The following ABCA13 variants were observed in gnomAD, a reference collection of about 807,000 sequenced individuals.
ABCA13 encodes ATP binding cassette subfamily A member 13, also known as ATP-binding cassette sub-family A member 13.
A neutral mutation model predicts 478.7 loss-of-function variants in ABCA13; 476 were observed. The observed-to-expected ratio is 0.99, with a 90% CI of 0.92 to 1.07. The LOEUF (loss-of-function observed/expected upper bound fraction) is 1.07. Among genes scored for constraint, ABCA13 ranks in the 50% least tolerant of loss-of-function variants. The probability of loss-of-function intolerance (pLI) is 0.00; values close to 1 mark genes in which losing one functional copy is unlikely to be tolerated. For missense variants in ABCA13, 6,060 were observed against 5,910.6 expected, an observed-to-expected ratio of 1.03 and a Z score of -0.83; for synonymous variants, 2,252 against 2,158.9, an observed-to-expected ratio of 1.04 and a Z score of -1.20.
At chr7:48,427,730 A>G (rs766041903) in intron 41 of ABCA13, 36 bp from the exon 42 acceptor site, 8 of 1,428,586 alleles carry the variant, frequency 5.6e-6, no homozygotes, top group African/African-American at 2.8e-5. Flanking sequence ...GTATAGAAAC[A>G]TAAAATAATA....
intron 38 of ABCA13, among the ~76,000 whole-genome samples, chr7:48,400,283 G>A (rs1357799986): frequency 6.6e-6 from 1 of 152,168 alleles, no homozygotes; most frequent in African/African-American, 2.4e-5. Flanking sequence ...TCTAGCCCTA[G>A]CAGGTGGCAG....
intron 23 of ABCA13, among the ~76,000 whole-genome samples, chr7:48,308,271 T>C (rs1257324442): frequency 6.6e-6 from 1 of 152,216 alleles, no homozygotes; most frequent in Non-Finnish European, 1.5e-5. Context: ...ATAACATGCG[T>C]AGAGCTGTCG....
At chr7:48,587,362 T>C in intron 57 of ABCA13, 74 bp downstream of exon 57, 1 of 1,442,780 alleles carries the variant, frequency 6.9e-7, no homozygotes, top group Non-Finnish European at 9.2e-7. Context: ...TTTTAAGGGT[T>C]TTTCTGGGAA....
At chr7:48,266,544 T>C (rs1794894988) in intron 15 of ABCA13, among the ~76,000 whole-genome samples, 1 of 151,864 alleles carries the variant, frequency 6.6e-6, no homozygotes, top group Non-Finnish European at 1.5e-5. Context: ...GAATCAGTGG[T>C]AATAGCACCT....
intron 1 of ABCA13, among the ~76,000 whole-genome samples, chr7:48,190,129 G>A (rs957222138): frequency 6.6e-6 from 1 of 152,064 alleles, no homozygotes; most frequent in African/African-American, 2.4e-5. Flanking sequence ...AATGATAATT[G>A]GTTTAGTTTT....
At chr7:48,341,812 G>GATATATATATATATCTTTCTGATAT (rs1563084287) in intron 29 of ABCA13, among the ~76,000 whole-genome samples, 1 of 48,384 alleles carries the variant, frequency 2.1e-5, no homozygotes, top group African/African-American at 8.0e-5. Flanking sequence ...TTTCTTTTCT[G>GATATATATATATATCTTTCTGATAT]ATATATATAT....
chr7:48,341,496 G>A (rs754108181), intron 29 of ABCA13, among the ~76,000 whole-genome samples: 1 of 151,974 alleles, frequency 6.6e-6, no homozygotes, highest in Non-Finnish European at 1.5e-5. Context: ...AAAAATTCCT[G>A]AGTGATTTTA....
chr7:48,231,965 A>T (rs1302115090), intron 7 of ABCA13, among the ~76,000 whole-genome samples: 1 of 151,922 alleles, frequency 6.6e-6, no homozygotes, highest in African/African-American at 2.4e-5. Context: ...CCCAACCCTG[A>T]ACTATTGTAC....
In ABCA13 at chr7:48,273,995, T is replaced by A. The variant is rs1458722806; in HGVS notation, c.4329T>A (p.Asn1443Lys). The A allele has an allele frequency of 6.2e-7, 1 of 1,608,842 alleles. No homozygotes were observed. Among genetic ancestry groups the A allele is most frequent in the African/African-American group, 1.3e-5 (1 of 74,852 alleles). The change falls in exon 17 of 62, where the codon AAT becomes AAA. Residue 1443 changes from asparagine to lysine, a missense_variant. By Grantham distance (94) the Asn-to-Lys change is moderately conservative. This residue lies in a region of ABCA13 where 4,423 missense variants were observed against 4,309.1 expected (regional missense o/e 1.03). Transcript: ENST00000435803. ...SILKIVTWVL[N>K]IKKPLCSSNG... ...TAAAAATTGTAACTTGGGTGTTAAATATAAAAAAACCTCTTTGTTCATCAA... is the reference window on the plus strand; with the variant it reads ...TAAAAATTGTAACTTGGGTGTTAAAAATAAAAAAACCTCTTTGTTCATCAA...
At chr7:48,415,976 C>G (rs1460209785) in intron 41 of ABCA13, among the ~76,000 whole-genome samples, 2 of 152,098 alleles carry the variant, frequency 1.3e-5, no homozygotes, top group Non-Finnish European at 2.9e-5. Context: ...TCCCTTCCTC[C>G]TTCCTGCCTA....
In ABCA13 at chr7:48,192,932, G is replaced by A. The variant is rs1309235843; in HGVS notation, c.70-27G>A. 3.5e-6 allele frequency: 4 copies of A among 1,146,652 alleles called. No individual in the cohort carries two copies. The African/African-American group carries it at 6.5e-5, about 19-fold the overall frequency. 71.0% of individuals were successfully genotyped at this position (1,146,652 alleles called of 1,614,324 possible). A position where few individuals can be genotyped will look rare whatever the true frequency, so the allele number is the denominator to read the frequency against. On this transcript the variant is annotated intron_variant, in intron 1 of 61. Transcript: ENST00000435803. Reference sequence around the variant, plus strand: ...GTAATACCTTACAATTTATTCAGGTGATTTTTTTTTTTTTTTAATTTTCTA... The same window carrying A: ...GTAATACCTTACAATTTATTCAGGTAATTTTTTTTTTTTTTTAATTTTCTA...
At chr7:48,253,157 T>A (rs55692458) in intron 15 of ABCA13, among the ~76,000 whole-genome samples, 1 of 152,080 alleles carries the variant, frequency 6.6e-6, no homozygotes, top group Non-Finnish European at 1.5e-5. Context: ...CCATAATTGA[T>A]TACTCCTAGC....
At chr7:48,602,167 G>A (rs1014669227) in intron 58 of ABCA13, among the ~76,000 whole-genome samples, 4 of 152,110 alleles carry the variant, frequency 2.6e-5, no homozygotes, top group African/African-American at 9.7e-5. Flanking sequence ...CTCCCATTCT[G>A]TAGGTTGCCT....
chr7:48,539,468 A>T (rs1414099936), intron 55 of ABCA13, among the ~76,000 whole-genome samples: 1 of 152,128 alleles, frequency 6.6e-6, no homozygotes, highest in Non-Finnish European at 1.5e-5. Flanking sequence ...TTATTTGGCT[A>T]CTCAGAGGTA....
intron 42 of ABCA13, among the ~76,000 whole-genome samples, chr7:48,444,803 A>C (rs550491530): frequency 6.6e-6 from 1 of 152,060 alleles, no homozygotes; most frequent in Non-Finnish European, 1.5e-5. Context: ...TTTAAGTCCA[A>C]CTCATGATTT....
At chr7:48,173,645 C>T (rs1473074350) in intron 1 of ABCA13, among the ~76,000 whole-genome samples, 2 of 152,180 alleles carry the variant, frequency 1.3e-5, no homozygotes, top group African/African-American at 4.8e-5. Context: ...TATAGCAATG[C>T]CTAGAATAGC....
intron 24 of ABCA13, among the ~76,000 whole-genome samples, chr7:48,311,355 TC>T (rs1241097645): frequency 6.6e-6 from 1 of 152,120 alleles, no homozygotes; most frequent in Non-Finnish European, 1.5e-5. Context: ...ATTTCTTGCA[TC>T]CCCATAATTT....
chr7:48,489,827 T>TGGCACA (rs1456359063), intron 48 of ABCA13, among the ~76,000 whole-genome samples: 1 of 152,224 alleles, frequency 6.6e-6, no homozygotes, highest in African/African-American at 2.4e-5. Flanking sequence ...TTTTGGTAAA[T>TGGCACA]GGCACAGGTC....
chr7:48,569,149 T>C (rs1787365852), intron 55 of ABCA13, among the ~76,000 whole-genome samples: 1 of 152,054 alleles, frequency 6.6e-6, no homozygotes, highest in East Asian at 1.9e-4. Context: ...TTTTATTCTG[T>C]TTTCTTTAGG....
Sources: allele counts gnomAD v4.1 joint callset (sites outside exome capture counted in the v4.1 genomes callset), GRCh38; gene constraint gnomAD v4.1.1; regional missense constraint gnomAD v4.1.1; transcripts MANE v1.5; gene names NCBI Gene and HGNC (gene_info 2026-07-23, HGNC 2026-07-21).